Variants in A2M observed in about 807,000 individuals in gnomAD.
A2M encodes alpha-2-macroglobulin.
In A2M, 128 loss-of-function variants were observed where a neutral mutation model predicts 183.9. The observed-to-expected ratio is 0.70, with a 90% confidence interval of 0.60 to 0.81. A2M has a LOEUF of 0.81. Ranked by LOEUF, A2M falls within the 30% of genes least tolerant of loss-of-function variation. The probability of loss-of-function intolerance (pLI) is 0.00; values close to 1 mark genes in which losing one functional copy is unlikely to be tolerated. For missense variants in A2M, 1,495 were observed against 1,787.6 expected, an observed-to-expected ratio of 0.84 and a Z score of 2.95; for synonymous variants, 592 against 670.8, an observed-to-expected ratio of 0.88 and a Z score of 1.81.
intron 22 of A2M, among the ~76,000 whole-genome samples, chr12:9,088,555 T>C (rs1233484135): frequency 6.6e-6 from 1 of 152,170 alleles, no homozygotes; most frequent in East Asian, 1.9e-4. Flanking sequence ...ACGAAAAACA[T>C]ACTAAATTTG....
chr12:9,068,868 A>T (rs1473356907), intron 33 of A2M, 26 bp from the exon 34 acceptor site: 1 of 1,510,506 alleles, frequency 6.6e-7, no homozygotes, highest in Admixed American at 2.0e-5. Flanking sequence ...CAATTAAATG[A>T]CCTTTCAGGA....
chr12:9,081,062 T>TA, intron 22 of A2M, among the ~76,000 whole-genome samples: 1 of 152,024 alleles, frequency 6.6e-6, no homozygotes, highest in African/African-American at 2.4e-5. Context: ...AAAACTTTTG[T>TA]AAAAAAACAG....
rs1200423272 is a variant in A2M at position 9,079,674 on chromosome 12, T to G, written c.2996A>C (p.Glu999Ala). 6.2e-7 allele frequency: 1 copy of G among 1,613,570 alleles called. No homozygotes were observed. The highest frequency in any genetic ancestry group is 8.5e-7 in the Non-Finnish European group (1 of 1,179,704). Residue 999 changes from glutamate (E) to alanine (A), a missense_variant, in exon 24 of 36, where the codon GAG (glutamate) becomes GCG (alanine). Transcript: ENST00000318602. ...ATAGCCAATGGCCTTGGACTTGATC[T>G]CTGGAGTAAGCTGCTGTGTTTCATT... ...YLNETQQLTP[E>A]IKSKAIGYLN... is the part of the protein sequence containing the mutation.
intron 25 of A2M, among the ~76,000 whole-genome samples, chr12:9,078,805 A>G: frequency 6.6e-6 from 1 of 152,202 alleles, no homozygotes; most frequent in Non-Finnish European, 1.5e-5. Context: ...AGGGATTTAA[A>G]AAAATGTTTT....
At position 9,109,866 on chromosome 12, in the gene A2M, C is replaced by G; in HGVS notation, c.673+1G>C. 3.8e-6 allele frequency: 6 copies of G among 1,594,620 alleles called. No individual in the cohort carries two copies. Among genetic ancestry groups the G allele is most frequent in the African/African-American group, 1.4e-5 (1 of 74,014 alleles). ...GCTTGATGACTTTTCATGATCCATA[C>G]CAAATTCCTCCACGGTGAAAGGGTG... is the stretch of plus-strand genomic sequence containing the variant. On this transcript the variant is annotated splice_donor_variant, in intron 6 of 35. Transcript: ENST00000318602. LOFTEE classifies it high-confidence loss of function.
At chr12:9,070,382 T>C (rs1280370897) in intron 32 of A2M, 106 bp downstream of exon 32, 1 of 775,732 alleles carries the variant, frequency 1.3e-6, no homozygotes, top group East Asian at 2.7e-5. Context: ...GATAAGGCTT[T>C]GATAGAGATT....
At chr12:9,094,793 C>T (rs1949323627) in intron 17 of A2M, among the ~76,000 whole-genome samples, 180 bp downstream of exon 17, 1 of 152,172 alleles carries the variant, frequency 6.6e-6, no homozygotes, top group Non-Finnish European at 1.5e-5. Context: ...CAGCCTAACA[C>T]ATGTACCTCC....
intron 22 of A2M, among the ~76,000 whole-genome samples, chr12:9,084,646 A>C (rs7967997): frequency 0.16 from 23,816 of 152,092 alleles, 1,999 homozygotes; most frequent in African/African-American, 0.2. Flanking sequence ...ACCAGAAAAC[A>C]ACAAAATGGT....
intron 20 of A2M, 132 bp downstream of exon 20, chr12:9,090,224 G>T: frequency 1.4e-6 from 2 of 1,454,622 alleles, no homozygotes; most frequent in Non-Finnish European, 1.9e-6. Flanking sequence ...AGGCATCTTA[G>T]AATAAAAGGC....
At chr12:9,090,060 C>G (rs1565589401) in intron 20 of A2M, 37 bp from the exon 21 acceptor site, 1 of 1,570,274 alleles carries the variant, frequency 6.4e-7, no homozygotes. Context: ...ATAGCATCTT[C>G]CCCTTCCTCC....
At chr12:9,099,631 T>C (rs1937669285) in intron 13 of A2M, 108 bp from the exon 14 acceptor site, 1 of 1,303,366 alleles carries the variant, frequency 7.7e-7, no homozygotes, top group South Asian at 1.6e-5. Context: ...GATGATTACC[T>C]CTAAGGACTC....
chr12:9,083,855 G>A (rs747288274), intron 22 of A2M, among the ~76,000 whole-genome samples: 3 of 150,478 alleles, frequency 2.0e-5, no homozygotes, highest in Admixed American at 1.3e-4. Flanking sequence ...AAATTCAAAT[G>A]AAAGAACTGC....
Position 9,109,827 on chromosome 12 carries a change from T to C in A2M, c.673+40A>G, listed in dbSNP as rs199726827. ...ATTCCAGGACCTAAGAGTTTAAATA[T>C]GAAGAAAAATAATGCTTGATGACTT... On this transcript the variant is annotated intron_variant, in intron 6 of 35. Transcript: ENST00000318602. 4 of 1,549,498 alleles carry C rather than the reference T, an allele frequency of 2.6e-6. No homozygotes were observed. The African/African-American group carries it at 5.5e-5, about 21-fold the overall frequency.
intron 10 of A2M, among the ~76,000 whole-genome samples, chr12:9,104,966 T>G (rs1402855630): frequency 6.6e-6 from 1 of 152,164 alleles, no homozygotes; most frequent in Admixed American, 6.5e-5. Flanking sequence ...GGTCTCTGCT[T>G]CTCAACCTAG....
chr12:9,086,563 G>T lies in A2M; in HGVS notation c.2770+2637C>A, dbSNP rs768100795. Among the ~76,000 whole-genome samples the T allele has an allele frequency of 2.0e-5, 3 of 152,318 alleles. No homozygotes were observed. In the South Asian group the frequency reaches 6.2e-4, roughly 32 times the overall value. ...AACCATACCATCATCTTGTTAGATGGAGAAAAAGTATTTGACAGAATTCAA... is the reference window on the plus strand; with the variant it reads ...AACCATACCATCATCTTGTTAGATGTAGAAAAAGTATTTGACAGAATTCAA... On this transcript the variant is annotated intron_variant, in intron 22 of 35. Coordinates refer to ENST00000318602, the MANE Select transcript of A2M (RefSeq NM_000014.6).
At chr12:9,110,258 C>T in intron 5 of A2M, 56 bp downstream of exon 5, 1 of 1,351,830 alleles carries the variant, frequency 7.4e-7, no homozygotes, top group South Asian at 1.4e-5. Context: ...GAAATAAGAA[C>T]ATTTTCCCTA....
intron 19 of A2M, 40 bp downstream of exon 19, chr12:9,091,161 G>A (rs938721709): frequency 4.4e-6 from 7 of 1,591,236 alleles, no homozygotes; most frequent in Non-Finnish European, 5.2e-6. Context: ...TAATTTACTT[G>A]ATGGCTACCT....
At position 9,090,410 on chromosome 12, in the gene A2M, T is replaced by A; in HGVS notation, c.2542A>T (p.Ile848Phe). Residue 848 changes from isoleucine (I) to phenylalanine (F), a missense_variant, in exon 20 of 36, where the codon ATC becomes TTC. Physicochemically the swap from Ile to Phe is conservative, Grantham distance 21. Coordinates refer to ENST00000318602, the MANE Select transcript of A2M (RefSeq NM_000014.6). Reference protein sequence around the residue: ...PVEKEQAPHCICANGRQTVSW... With the variant: ...PVEKEQAPHCFCANGRQTVSW... ...ACAGTTTGCCGCCCGTTTGCACAGATGCAGTGAGGCGCTTGTTCCTTCTCC... is the reference window on the plus strand; with the variant it reads ...ACAGTTTGCCGCCCGTTTGCACAGAAGCAGTGAGGCGCTTGTTCCTTCTCC... The A allele has an allele frequency of 6.2e-7, 1 of 1,613,994 alleles. No individual in the cohort carries two copies.
intron 15 of A2M, among the ~76,000 whole-genome samples, chr12:9,096,237 C>G (rs775346742): frequency 6.6e-6 from 1 of 152,160 alleles, no homozygotes; most frequent in Non-Finnish European, 1.5e-5. Context: ...CATCTAAGTA[C>G]TCATCTAAGT....
Sources: allele counts gnomAD v4.1 joint callset (sites outside exome capture counted in the v4.1 genomes callset), GRCh38; gene constraint gnomAD v4.1.1; transcripts MANE v1.5; gene names NCBI Gene and HGNC (gene_info 2026-07-23, HGNC 2026-07-21).